Variants in EFL1 observed in about 807,000 individuals in gnomAD.
EFL1 encodes the protein elongation factor-like GTPase 1.
Under a neutral mutation model 126.7 loss-of-function variants are expected in EFL1, and 76 were observed. That is an observed-to-expected ratio of 0.60 (90% CI 0.50 to 0.73). EFL1 has a LOEUF of 0.73. EFL1 is among the 30% of genes least tolerant of loss of function. The probability of loss-of-function intolerance (pLI) is 0.00; values close to 1 mark genes in which losing one functional copy is unlikely to be tolerated. For synonymous variants in EFL1, 410 were observed against 448.4 expected, an observed-to-expected ratio of 0.91 and a Z score of 1.08; for missense variants, 1,128 against 1,343.2, an observed-to-expected ratio of 0.84 and a Z score of 2.50.
chr15:82,226,796 C>T (rs1172604141), intron 11 of EFL1, among the ~76,000 whole-genome samples: 1 of 152,182 alleles, frequency 6.6e-6, no homozygotes, highest in East Asian at 1.9e-4. Flanking sequence ...GGATCAAAGA[C>T]TTGAACCTTG....
chr15:82,212,479 C>A (rs2074600610), intron 15 of EFL1, among the ~76,000 whole-genome samples: 1 of 152,224 alleles, frequency 6.6e-6, no homozygotes, highest in African/African-American at 2.4e-5. Context: ...GCTTCCTAGT[C>A]ATGCAGGGGA....
chr15:82,216,366 C>T (rs2074646595), intron 14 of EFL1, among the ~76,000 whole-genome samples: 1 of 152,120 alleles, frequency 6.6e-6, no homozygotes, highest in South Asian at 2.1e-4. Context: ...TTCATAGAAG[C>T]TGACAAGCTG....
In EFL1 at chr15:82,134,276, A is replaced by G. The variant is rs779845513; in HGVS notation, c.3175-3715T>C. Among the ~76,000 whole-genome samples the G allele has an allele frequency of 5.3e-5, 8 of 152,146 alleles. No individual in the cohort carries two copies. The South Asian group carries it at 1.2e-3, about 24-fold the overall frequency. ...TGAATTTCCTTAGTGGAGCAAAGACAAGGCTACCCTTTTATGGTTGTCCAG... is the reference window on the plus strand; with the variant it reads ...TGAATTTCCTTAGTGGAGCAAAGACGAGGCTACCCTTTTATGGTTGTCCAG... On this transcript the variant is annotated intron_variant, in intron 19 of 19. Coordinates refer to ENST00000268206, the MANE Select transcript of EFL1 (RefSeq NM_024580.6).
At chr15:82,175,391 T>A (rs1215559584) in intron 15 of EFL1, among the ~76,000 whole-genome samples, 1 of 152,118 alleles carries the variant, frequency 6.6e-6, no homozygotes, top group Non-Finnish European at 1.5e-5. Flanking sequence ...TACTTCCTGG[T>A]GAGAAGCAGC....
At chr15:82,254,127 A>G (rs568263035) in intron 3 of EFL1, among the ~76,000 whole-genome samples, 2 of 152,220 alleles carry the variant, frequency 1.3e-5, no homozygotes, top group Admixed American at 6.5e-5. Context: ...AAAGCTATCA[A>G]TGACCTCTGG....
intron 15 of EFL1, among the ~76,000 whole-genome samples, chr15:82,185,344 CAT>C (rs1356190000): frequency 1.3e-5 from 2 of 151,660 alleles, no homozygotes; most frequent in Non-Finnish European, 2.9e-5. Context: ...AAAAGTGACA[CAT>C]ATGTGTGACT....
chr15:82,251,734 C>G (rs1476392355), intron 4 of EFL1, among the ~76,000 whole-genome samples: 1 of 152,172 alleles, frequency 6.6e-6, no homozygotes, highest in East Asian at 1.9e-4. Flanking sequence ...ATGCCCCACA[C>G]AGTACATCTT....
At chr15:82,249,113 T>G (rs1596009039) in intron 4 of EFL1, among the ~76,000 whole-genome samples, 1 of 152,184 alleles carries the variant, frequency 6.6e-6, no homozygotes, top group East Asian at 1.9e-4. Context: ...TGTGTTTTAC[T>G]GTATATTCTA....
At chr15:82,204,801 C>T (rs2074507181) in intron 15 of EFL1, among the ~76,000 whole-genome samples, 1 of 152,332 alleles carries the variant, frequency 6.6e-6, no homozygotes, top group South Asian at 2.1e-4. Flanking sequence ...AGGCTCTGGC[C>T]TCTCTGGCCT....
chr15:82,149,679 GT>G (rs912426380), intron 18 of EFL1, among the ~76,000 whole-genome samples: 20 of 152,152 alleles, frequency 1.3e-4, no homozygotes, highest in Admixed American at 5.9e-4. Flanking sequence ...AGGATTTGGA[GT>G]TTTTCTCCTG....
At chr15:82,171,047 C>T (rs1595957830) in intron 15 of EFL1, among the ~76,000 whole-genome samples, 1 of 152,160 alleles carries the variant, frequency 6.6e-6, no homozygotes, top group Admixed American at 6.5e-5. Flanking sequence ...GAAATCATAA[C>T]TGAATTCCTT....
At chr15:82,233,334 T>C (rs553094224) in intron 7 of EFL1, among the ~76,000 whole-genome samples, 43 of 152,334 alleles carry the variant, frequency 2.8e-4, no homozygotes, top group African/African-American at 1.0e-3. Flanking sequence ...AATTCTATTT[T>C]AATTCATTTC....
chr15:82,237,668 A>G (rs1242729955), intron 7 of EFL1, among the ~76,000 whole-genome samples: 2 of 152,096 alleles, frequency 1.3e-5, no homozygotes, highest in Non-Finnish European at 2.9e-5. Context: ...CATTTATTCC[A>G]GAGAAATGAA....
intron 15 of EFL1, among the ~76,000 whole-genome samples, chr15:82,180,383 ACAAAC>A (rs756585125): frequency 5.1e-4 from 65 of 128,690 alleles, no homozygotes; most frequent in African/African-American, 1.8e-3. Context: ...CAAAAAAAAA[ACAAAC>A]AAAAAAAACC....
chr15:82,139,986 G>A (rs1428003879), intron 18 of EFL1, among the ~76,000 whole-genome samples: 8 of 152,148 alleles, frequency 5.3e-5, no homozygotes, highest in Non-Finnish European at 8.8e-5. Context: ...CCCTAGTGGC[G>A]GTTATTAGGA....
intron 15 of EFL1, among the ~76,000 whole-genome samples, chr15:82,197,960 C>T (rs1286490379): frequency 6.6e-6 from 1 of 152,156 alleles, no homozygotes; most frequent in African/African-American, 2.4e-5. Context: ...TAGTCTATAA[C>T]CTACAATGAG....
At chr15:82,148,172 G>A (rs2073868712) in intron 18 of EFL1, among the ~76,000 whole-genome samples, 2 of 152,028 alleles carry the variant, frequency 1.3e-5, no homozygotes, top group Non-Finnish European at 2.9e-5. Flanking sequence ...GAGGTCAGGG[G>A]TTCGAGACCA....
chr15:82,187,706 T>C (rs1456142006), intron 15 of EFL1, among the ~76,000 whole-genome samples: 2 of 152,188 alleles, frequency 1.3e-5, no homozygotes, highest in East Asian at 3.8e-4. Flanking sequence ...AGTCTTCTAA[T>C]ACAATTTCTA....
chr15:82,155,083 T>C (rs561685271), intron 17 of EFL1, among the ~76,000 whole-genome samples: 6 of 152,346 alleles, frequency 3.9e-5, no homozygotes, highest in African/African-American at 1.4e-4. Flanking sequence ...CTATGTTTTA[T>C]ATAGCTGTAG....
Sources: allele counts gnomAD v4.1 joint callset (sites outside exome capture counted in the v4.1 genomes callset), GRCh38; gene constraint gnomAD v4.1.1; transcripts MANE v1.5; gene names NCBI Gene and HGNC (gene_info 2026-07-23, HGNC 2026-07-21).